SGCZ: variants seen among roughly 807,000 people sequenced by gnomAD.
The protein encoded by SGCZ is zeta-sarcoglycan.
SGCZ carries 40 observed loss-of-function variants against 41.3 expected under a neutral mutation model. The ratio of observed to expected loss-of-function variants is 0.97; its 90% CI spans 0.75 to 1.26. SGCZ has a LOEUF of 1.26. Among genes scored for constraint, SGCZ ranks in the 50% most tolerant of loss-of-function variants. The pLI is 0.00. For synonymous variants in SGCZ, 206 were observed against 137.5 expected, an observed-to-expected ratio of 1.50 and a Z score of -3.49; for missense variants, 552 against 369.8, an observed-to-expected ratio of 1.49 and a Z score of -4.04.
intron 1 of SGCZ, among the ~76,000 whole-genome samples, chr8:15,057,165 G>A (rs139685016): frequency 7.5e-4 from 114 of 152,288 alleles, no homozygotes; most frequent in African/African-American, 2.6e-3. Flanking sequence ...AAGAACATAT[G>A]GGAAGTACAG....
At chr8:14,875,916 G>A (rs2130712450) in intron 1 of SGCZ, among the ~76,000 whole-genome samples, 1 of 152,238 alleles carries the variant, frequency 6.6e-6, no homozygotes, top group Non-Finnish European at 1.5e-5. Context: ...TTATTCTGGA[G>A]CTTTCAGAAT....
chr8:15,209,098 A>G (rs1052386344), intron 1 of SGCZ, among the ~76,000 whole-genome samples: 5 of 60,278 alleles, frequency 8.3e-5, no homozygotes, highest in Non-Finnish European at 1.8e-4. Context: ...ACTTTGCATC[A>G]CAAATATCTT....
At chr8:14,807,643 TG>T (rs1801586835) in intron 1 of SGCZ, among the ~76,000 whole-genome samples, 1 of 151,590 alleles carries the variant, frequency 6.6e-6, no homozygotes, top group South Asian at 2.1e-4. Context: ...ATCGTGAAAA[TG>T]GCCATACTGC....
chr8:14,555,280 A>C (rs1052394680), intron 1 of SGCZ, among the ~76,000 whole-genome samples: 2 of 152,002 alleles, frequency 1.3e-5, no homozygotes, highest in South Asian at 4.1e-4. Context: ...GTTTGGATCT[A>C]TGTCCCCACC....
chr8:14,922,778 A>T (rs975296284), intron 1 of SGCZ, among the ~76,000 whole-genome samples: 11 of 152,218 alleles, frequency 7.2e-5, no homozygotes, highest in African/African-American at 2.7e-4. Context: ...TCAGTGCAAT[A>T]TATACATATT....
chr8:15,201,237 G>A (rs928159510), intron 1 of SGCZ, among the ~76,000 whole-genome samples: 2 of 152,190 alleles, frequency 1.3e-5, no homozygotes, highest in Non-Finnish European at 2.9e-5. Context: ...GGCTGGTCTC[G>A]AACTCCTGAC....
intron 1 of SGCZ, among the ~76,000 whole-genome samples, chr8:14,641,252 A>G (rs989415520): frequency 2.0e-5 from 3 of 151,714 alleles, no homozygotes; most frequent in African/African-American, 7.2e-5. Context: ...AATCAGCAAA[A>G]GCAACAAAAC....
chr8:14,438,904 G>A (rs1020294531), intron 2 of SGCZ, among the ~76,000 whole-genome samples: 27 of 152,010 alleles, frequency 1.8e-4, no homozygotes, highest in South Asian at 6.2e-4. Flanking sequence ...ATATTATAAT[G>A]ATCTTGTAAG....
At chr8:14,820,301 T>C (rs1249648417) in intron 1 of SGCZ, among the ~76,000 whole-genome samples, 3 of 152,006 alleles carry the variant, frequency 2.0e-5, no homozygotes, top group Non-Finnish European at 2.9e-5. Context: ...ATCAATTCAA[T>C]AAGAGTATAT....
At chr8:14,226,352 C>G (rs1806372590) in intron 4 of SGCZ, among the ~76,000 whole-genome samples, 1 of 152,036 alleles carries the variant, frequency 6.6e-6, no homozygotes, top group South Asian at 2.1e-4. Context: ...ACAGGTTCAT[C>G]ACCCTCAGAA....
At chr8:15,202,568 G>A (rs1237030636) in intron 1 of SGCZ, among the ~76,000 whole-genome samples, 1 of 151,870 alleles carries the variant, frequency 6.6e-6, no homozygotes, top group Non-Finnish European at 1.5e-5. Flanking sequence ...TTGGATGAGA[G>A]GTGCACCAAA....
At chr8:14,431,214 A>C (rs2117336608) in intron 2 of SGCZ, among the ~76,000 whole-genome samples, 1 of 152,306 alleles carries the variant, frequency 6.6e-6, no homozygotes, top group East Asian at 1.9e-4. Flanking sequence ...GGAATCAAAA[A>C]AGAGCCTACA....
intron 5 of SGCZ, among the ~76,000 whole-genome samples, chr8:14,130,705 A>G (rs553283248): frequency 6.6e-6 from 1 of 152,358 alleles, no homozygotes; most frequent in African/African-American, 2.4e-5. Flanking sequence ...TGAAAAATCA[A>G]GCTGCAGACA....
intron 1 of SGCZ, among the ~76,000 whole-genome samples, chr8:15,147,911 T>C (rs888763987): frequency 9.8e-5 from 15 of 152,368 alleles, no homozygotes; most frequent in African/African-American, 3.6e-4. Flanking sequence ...ACATTTTTGC[T>C]TAATTCGTGG....
chr8:14,391,460 G>A (rs925758076), intron 2 of SGCZ, among the ~76,000 whole-genome samples: 2 of 152,040 alleles, frequency 1.3e-5, no homozygotes, highest in Admixed American at 6.6e-5. Flanking sequence ...AAAGATTAAT[G>A]TTGTAACCCA....
intron 1 of SGCZ, among the ~76,000 whole-genome samples, chr8:14,722,456 A>G (rs1165948650): frequency 6.6e-6 from 1 of 152,102 alleles, no homozygotes. Context: ...CTTTATTATT[A>G]TAATAAAACA....
At chr8:15,000,741 T>C (rs1802389486) in intron 1 of SGCZ, among the ~76,000 whole-genome samples, 1 of 152,166 alleles carries the variant, frequency 6.6e-6, no homozygotes, top group Non-Finnish European at 1.5e-5. Context: ...GGAAACAATC[T>C]GTGAGCCCTG....
intron 1 of SGCZ, among the ~76,000 whole-genome samples, chr8:15,029,081 TCC>T (rs1409669691): frequency 2.0e-5 from 3 of 152,086 alleles, no homozygotes; most frequent in African/African-American, 7.2e-5. Flanking sequence ...AGATTAGCAT[TCC>T]AAACCAGTTA....
intron 3 of SGCZ, among the ~76,000 whole-genome samples, chr8:14,252,327 T>G (rs1371938664): frequency 6.6e-6 from 1 of 152,124 alleles, no homozygotes; most frequent in Admixed American, 6.5e-5. Flanking sequence ...ACTTGTCAGA[T>G]ATATTGTTTT....
Sources: allele counts gnomAD v4.1 joint callset (sites outside exome capture counted in the v4.1 genomes callset), GRCh38; gene constraint gnomAD v4.1.1; transcripts MANE v1.5; gene names NCBI Gene and HGNC (gene_info 2026-07-23, HGNC 2026-07-21).